SMOC1: variants seen among roughly 807,000 people sequenced by gnomAD.
The protein encoded by SMOC1 is SPARC related modular calcium binding 1.
A neutral mutation model predicts 56.3 loss-of-function variants in SMOC1; 22 were observed. That is an observed-to-expected ratio of 0.39 (90% confidence interval 0.28 to 0.56). SMOC1 has a LOEUF of 0.56. Ranked by LOEUF, SMOC1 falls within the 20% of genes least tolerant of loss-of-function variation. The probability of loss-of-function intolerance (pLI) is 0.61; values close to 1 mark genes in which losing one functional copy is unlikely to be tolerated. For missense variants in SMOC1, 509 were observed against 565.4 expected (o/e 0.90, Z 1.01); for synonymous variants, 193 against 215.0 (o/e 0.90, Z 0.89).
intron 5 of SMOC1, among the ~76,000 whole-genome samples, chr14:69,978,674 A>G (rs1884064375): frequency 6.6e-6 from 1 of 152,218 alleles, no homozygotes; most frequent in Non-Finnish European, 1.5e-5. Context: ...GCAAATTAAA[A>G]TAACACCGTG....
intron 1 of SMOC1, among the ~76,000 whole-genome samples, chr14:69,938,971 G>T (rs1882442001): frequency 6.6e-6 from 1 of 152,118 alleles, no homozygotes; most frequent in African/African-American, 2.4e-5. Context: ...CACGCATGTC[G>T]CTGTGTTCAT....
rs376733757 is a variant in SMOC1, at chr14:69,994,413, A to G, written c.597A>G (p.Pro199=). ...CCTCACCCCTAGAAATCACAGCCCC[A>G]ACTCTATGGATTAAACACTTGGTGA... The part of the protein sequence containing the change: ...PVFDGDEITA[P]TLWIKHLVIK... Residue 199 remains proline (P), a synonymous_variant, in exon 7 of 12, where the codon CCA becomes CCG. Transcript: ENST00000361956. 1 of 1,613,954 alleles carries G rather than the reference A, an allele frequency of 6.2e-7. No individual in the cohort carries two copies. The highest frequency in any genetic ancestry group is 8.5e-7 in the Non-Finnish European group (1 of 1,179,842).
At chr14:69,916,399 C>T (rs970577616) in intron 1 of SMOC1, among the ~76,000 whole-genome samples, 9 of 152,256 alleles carry the variant, frequency 5.9e-5, no homozygotes, top group Non-Finnish European at 1.3e-4. Context: ...TCTTTTCAGC[C>T]TTTGGGCTCT....
At chr14:70,005,155 G>A (rs1477726131) in intron 7 of SMOC1, among the ~76,000 whole-genome samples, 1 of 152,144 alleles carries the variant, frequency 6.6e-6, no homozygotes, top group Non-Finnish European at 1.5e-5. Context: ...ATGTTTTTTG[G>A]CCATTTTTGC....
chr14:69,934,970 C>T (rs770479417), intron 1 of SMOC1, among the ~76,000 whole-genome samples: 4 of 152,148 alleles, frequency 2.6e-5, no homozygotes, highest in Non-Finnish European at 5.9e-5. Flanking sequence ...AATTCTTAGC[C>T]CTGCCCCTGG....
intron 1 of SMOC1, among the ~76,000 whole-genome samples, chr14:69,924,623 A>G: frequency 6.6e-6 from 1 of 151,072 alleles, no homozygotes; most frequent in Admixed American, 6.6e-5. Context: ...CCTGTCTTGT[A>G]CAGGGGAGGT....
At chr14:69,971,854 G>A (rs73289098) in intron 3 of SMOC1, among the ~76,000 whole-genome samples, 14,179 of 152,156 alleles carry the variant, frequency 0.093, 1,564 homozygotes, top group African/African-American at 0.26. Context: ...CTTTGCAAAC[G>A]TTTTGCTGAC....
chr14:69,909,088 C>T (rs1193925227), intron 1 of SMOC1, among the ~76,000 whole-genome samples: 1 of 152,080 alleles, frequency 6.6e-6, no homozygotes, highest in Non-Finnish European at 1.5e-5. Context: ...TCCTTCAGGT[C>T]AGGGACTCCA....
intron 1 of SMOC1, among the ~76,000 whole-genome samples, chr14:69,881,514 T>G (rs1278957486): frequency 6.6e-6 from 1 of 152,146 alleles, no homozygotes; most frequent in Non-Finnish European, 1.5e-5. Flanking sequence ...GCACCGTGGT[T>G]AGGTTCCTTC....
intron 1 of SMOC1, among the ~76,000 whole-genome samples, chr14:69,916,052 C>T (rs1288086153): frequency 1.3e-5 from 2 of 152,202 alleles, no homozygotes; most frequent in African/African-American, 4.8e-5. Flanking sequence ...TGCCTTCTTG[C>T]TCAACATCTC....
chr14:69,960,173 G>A (rs924735754), intron 3 of SMOC1, among the ~76,000 whole-genome samples: 2 of 152,168 alleles, frequency 1.3e-5, no homozygotes, highest in Non-Finnish European at 2.9e-5. Flanking sequence ...AGGGTGGAAG[G>A]GGTTTGTCCT....
chr14:69,888,187 A>G (rs1187266599), intron 1 of SMOC1, among the ~76,000 whole-genome samples: 1 of 152,142 alleles, frequency 6.6e-6, no homozygotes, highest in Admixed American at 6.5e-5. Context: ...AGATTTGTAC[A>G]GTATGTGCTC....
chr14:69,986,026 G>A (rs1485304701), intron 5 of SMOC1, among the ~76,000 whole-genome samples: 4 of 152,146 alleles, frequency 2.6e-5, no homozygotes, highest in Admixed American at 2.6e-4. Flanking sequence ...TGTGAGTAAG[G>A]TGGGATCCCC....
intron 1 of SMOC1, among the ~76,000 whole-genome samples, chr14:69,920,943 G>A (rs1285881109): frequency 6.6e-6 from 1 of 152,134 alleles, no homozygotes; most frequent in South Asian, 2.1e-4. Context: ...CTGTAAGATG[G>A]GGAACCCTGC....
At chr14:69,941,541 C>A (rs1434454822) in intron 1 of SMOC1, among the ~76,000 whole-genome samples, 2 of 152,206 alleles carry the variant, frequency 1.3e-5, no homozygotes, top group Non-Finnish European at 2.9e-5. Flanking sequence ...AGCTTAGTAA[C>A]CTCCTAAGTG....
intron 3 of SMOC1, among the ~76,000 whole-genome samples, chr14:69,956,457 T>G (rs1265046420): frequency 6.6e-6 from 1 of 151,808 alleles, no homozygotes; most frequent in African/African-American, 2.4e-5. Flanking sequence ...GCTTTTTTTT[T>G]TTTTTTTTTC....
intron 1 of SMOC1, among the ~76,000 whole-genome samples, chr14:69,926,305 T>G (rs1353911843): frequency 6.6e-6 from 1 of 152,194 alleles, no homozygotes; most frequent in African/African-American, 2.4e-5. Context: ...CCAGGGCCAA[T>G]CAATCAGCTG....
Position 70,016,934 on chromosome 14 carries a change from C to A in SMOC1, c.1046+3443C>A, listed in dbSNP as rs143214421. Among the ~76,000 whole-genome samples the A allele has an allele frequency of 1.2e-3, 179 of 152,320 alleles. 2 individuals carry two copies. The highest frequency in any genetic ancestry group is 4.2e-3 in the African/African-American group (173 of 41,560). ...TTTTAACTCAGCCTAGCATATATCA[C>A]GGTCTGATATTTTGCTGGCTTGTTG... On this transcript the variant is annotated intron_variant, in intron 10 of 11. Transcript: ENST00000361956.
intron 6 of SMOC1, 68 bp from the exon 7 acceptor site, chr14:69,994,332 G>C: frequency 8.1e-7 from 1 of 1,235,948 alleles, no homozygotes; most frequent in South Asian, 1.2e-5. Flanking sequence ...TAAGAAGTCT[G>C]AGGTTACACT....
Sources: allele counts gnomAD v4.1 joint callset (sites outside exome capture counted in the v4.1 genomes callset), GRCh38; gene constraint gnomAD v4.1.1; transcripts MANE v1.5; gene names NCBI Gene and HGNC (gene_info 2026-07-23, HGNC 2026-07-21).